TLL1: variants seen among roughly 807,000 people sequenced by gnomAD.
The protein encoded by TLL1 is tolloid-like protein 1.
A neutral mutation model predicts 128.2 loss-of-function variants in TLL1; 49 were observed. The ratio of observed to expected loss-of-function variants is 0.38; its 90% CI spans 0.30 to 0.48. The LOEUF is 0.48. TLL1 is among the 20% of genes least tolerant of loss of function. The probability of loss-of-function intolerance (pLI) is 0.96; values close to 1 mark genes in which losing one functional copy is unlikely to be tolerated. For missense variants in TLL1, 1,123 were observed against 1,242.0 expected, an observed-to-expected ratio of 0.90 and a Z score of 1.44; for synonymous variants, 454 against 418.8, an observed-to-expected ratio of 1.08 and a Z score of -1.03.
intron 1 of TLL1, among the ~76,000 whole-genome samples, chr4:165,877,825 A>G (rs114655066): frequency 0.021 from 3,230 of 150,242 alleles, 129 homozygotes; most frequent in African/African-American, 0.076. Flanking sequence ...AAGAAAGCTC[A>G]GGCAATTGTA....
At chr4:165,918,194 A>AT (rs1007144402) in intron 1 of TLL1, among the ~76,000 whole-genome samples, 37 of 151,996 alleles carry the variant, frequency 2.4e-4, no homozygotes, top group Admixed American at 1.7e-3. Context: ...TCGTTGTGTA[A>AT]TTTTTTTTGG....
chr4:165,965,699 G>T (rs1397629622), intron 1 of TLL1, among the ~76,000 whole-genome samples: 1 of 152,146 alleles, frequency 6.6e-6, no homozygotes, highest in Non-Finnish European at 1.5e-5. Flanking sequence ...CGTTCACATT[G>T]CCTACAGTGA....
intron 12 of TLL1, among the ~76,000 whole-genome samples, chr4:166,048,967 C>G (rs73863534): frequency 6.6e-6 from 1 of 152,000 alleles, no homozygotes; most frequent in Non-Finnish European, 1.5e-5. Flanking sequence ...AAGTAATCCT[C>G]TAAATCCTTT....
At chr4:165,919,436 A>T (rs947077334) in intron 1 of TLL1, among the ~76,000 whole-genome samples, 3 of 151,704 alleles carry the variant, frequency 2.0e-5, no homozygotes, top group African/African-American at 7.2e-5. Context: ...TGTCATTGGA[A>T]CTTAATAACT....
intron 4 of TLL1, 122 bp downstream of exon 4, chr4:165,994,655 CT>C: frequency 8.9e-7 from 1 of 1,120,250 alleles, no homozygotes; most frequent in Non-Finnish European, 1.3e-6. Context: ...TGGAAAACTA[CT>C]TCATTAACTT....
chr4:165,882,311 C>G (rs1395601599), intron 1 of TLL1, among the ~76,000 whole-genome samples: 1 of 152,068 alleles, frequency 6.6e-6, no homozygotes, highest in Non-Finnish European at 1.5e-5. Flanking sequence ...TATTATTTAG[C>G]AAATTATCAT....
chr4:165,899,925 G>A (rs958524837), intron 1 of TLL1, among the ~76,000 whole-genome samples: 1 of 152,070 alleles, frequency 6.6e-6, no homozygotes, highest in Non-Finnish European at 1.5e-5. Context: ...TATATATTTA[G>A]GATAGTTAGC....
At chr4:166,000,868 C>T (rs762377824) in intron 5 of TLL1, among the ~76,000 whole-genome samples, 1 of 152,126 alleles carries the variant, frequency 6.6e-6, no homozygotes, top group African/African-American at 2.4e-5. Context: ...TTTTCACCCA[C>T]CAATCACCTC....
At chr4:165,936,153 C>T (rs1314126659) in intron 1 of TLL1, among the ~76,000 whole-genome samples, 2 of 149,342 alleles carry the variant, frequency 1.3e-5, no homozygotes, top group Non-Finnish European at 3.0e-5. Context: ...TGTGTTCTAG[C>T]CCACTATAAT....
chr4:165,962,986 C>T (rs1018864386), intron 1 of TLL1, among the ~76,000 whole-genome samples: 2 of 126,502 alleles, frequency 1.6e-5, no homozygotes, highest in African/African-American at 6.1e-5. Context: ...ACCGAGGAGG[C>T]GGAGGTTATA....
chr4:166,014,394 C>T (rs1737839688), intron 7 of TLL1, 42 bp from the exon 8 acceptor site: 4 of 1,610,428 alleles, frequency 2.5e-6, no homozygotes, highest in Non-Finnish European at 3.4e-6. Context: ...CATGAGTTTT[C>T]ATTTGGTGAC....
chr4:166,099,136 A>G, intron 19 of TLL1, 141 bp from the exon 20 acceptor site: 2 of 1,340,164 alleles, frequency 1.5e-6, no homozygotes, highest in East Asian at 2.4e-5. Context: ...CTGACTCTCC[A>G]GTTGTGGAAA....
intron 12 of TLL1, among the ~76,000 whole-genome samples, chr4:166,053,625 A>G (rs532610481): frequency 1.6e-4 from 24 of 152,226 alleles, no homozygotes; most frequent in South Asian, 6.2e-4. Context: ...TATTATTGTT[A>G]GTGTTTTGAT....
At chr4:166,030,036 T>C (rs1022417686) in intron 9 of TLL1, among the ~76,000 whole-genome samples, 1 of 152,074 alleles carries the variant, frequency 6.6e-6, no homozygotes, top group Non-Finnish European at 1.5e-5. Context: ...ATATGGTAGT[T>C]CTATGTTTAA....
chr4:166,054,178 T>C (rs1470374403), intron 12 of TLL1, among the ~76,000 whole-genome samples: 1 of 131,296 alleles, frequency 7.6e-6, no homozygotes, highest in Non-Finnish European at 1.7e-5. Flanking sequence ...AACAAGGCCA[T>C]ATTTCCTTGG....
chr4:166,049,080 A>G (rs182925902), intron 12 of TLL1, among the ~76,000 whole-genome samples: 81 of 152,332 alleles, frequency 5.3e-4, no homozygotes, highest in Admixed American at 1.6e-3. Flanking sequence ...TCTGCTTGCC[A>G]TGTACTGTTT....
chr4:165,975,063 G>A (rs368129029), intron 1 of TLL1, among the ~76,000 whole-genome samples: 17 of 152,302 alleles, frequency 1.1e-4, no homozygotes, highest in African/African-American at 3.8e-4. Context: ...ATCCATCAGA[G>A]ATGTCTCATG....
chr4:165,924,897 C>T (rs1040187558), intron 1 of TLL1, among the ~76,000 whole-genome samples: 1 of 152,176 alleles, frequency 6.6e-6, no homozygotes, highest in Non-Finnish European at 1.5e-5. Context: ...TATACTAAAT[C>T]TACTCTGCCT....
At chr4:166,046,974 T>C (rs1208078092) in intron 12 of TLL1, among the ~76,000 whole-genome samples, 1 of 152,038 alleles carries the variant, frequency 6.6e-6, no homozygotes, top group East Asian at 1.9e-4. Flanking sequence ...TATCTGTTTA[T>C]ATCAATTTTT....
Sources: allele counts gnomAD v4.1 joint callset (sites outside exome capture counted in the v4.1 genomes callset), GRCh38; gene constraint gnomAD v4.1.1; transcripts MANE v1.5; gene names NCBI Gene and HGNC (gene_info 2026-07-23, HGNC 2026-07-21).